PUS7: variants seen among roughly 807,000 people sequenced by gnomAD.
PUS7 encodes the protein pseudouridine synthase 7.
Under a neutral mutation model 79.8 loss-of-function variants are expected in PUS7, and 48 were observed. The ratio of observed to expected loss-of-function variants is 0.60; its 90% CI spans 0.48 to 0.76. The LOEUF is 0.76. Among genes scored for constraint, PUS7 ranks in the 30% least tolerant of loss-of-function variants. The probability of loss-of-function intolerance (pLI) is 0.00; values close to 1 mark genes in which losing one functional copy is unlikely to be tolerated. For missense variants in PUS7, 729 were observed against 797.6 expected (o/e 0.91, Z 1.04); for synonymous variants, 286 against 272.2 (o/e 1.05, Z -0.50).
At chr7:105,521,428 A>C (rs1586196596) in intron 1 of PUS7, among the ~76,000 whole-genome samples, 1 of 151,976 alleles carries the variant, frequency 6.6e-6, no homozygotes, top group African/African-American at 2.4e-5. Context: ...ACCTCCATCC[A>C]CTCGTTAAGC....
At chr7:105,480,072 C>T (rs1824258710) in intron 9 of PUS7, among the ~76,000 whole-genome samples, 1 of 152,184 alleles carries the variant, frequency 6.6e-6, no homozygotes, top group African/African-American at 2.4e-5. Flanking sequence ...CGTGTTAACA[C>T]AGATCAGAAA....
chr7:105,468,743 C>T (rs551945025), intron 11 of PUS7, among the ~76,000 whole-genome samples: 2 of 151,982 alleles, frequency 1.3e-5, no homozygotes, highest in African/African-American at 4.8e-5. Flanking sequence ...GTCTCAAACT[C>T]CTGACCTCAG....
intron 5 of PUS7, among the ~76,000 whole-genome samples, chr7:105,500,979 C>T (rs1825222922): frequency 6.6e-6 from 1 of 152,194 alleles, no homozygotes; most frequent in Non-Finnish European, 1.5e-5. Context: ...CTTTTCTTTA[C>T]AGTGTTCACT....
At chr7:105,484,392 A>G (rs1382387642) in intron 7 of PUS7, among the ~76,000 whole-genome samples, 1 of 152,098 alleles carries the variant, frequency 6.6e-6, no homozygotes, top group African/African-American at 2.4e-5. Flanking sequence ...AGATGGGCAG[A>G]TAGCTTGAGC....
intron 13 of PUS7, 38 bp from the exon 14 acceptor site, chr7:105,462,788 T>A (rs1234114444): frequency 6.3e-7 from 1 of 1,592,190 alleles, no homozygotes; most frequent in Non-Finnish European, 8.5e-7. Flanking sequence ...AAATGCAGCT[T>A]GTCAGTCAAG....
intron 15 of PUS7, among the ~76,000 whole-genome samples, chr7:105,458,917 T>C (rs865857935): frequency 1.5e-4 from 23 of 152,252 alleles, no homozygotes; most frequent in African/African-American, 5.1e-4. Context: ...GGTAAGTCTC[T>C]GTGGGGGATG....
At chr7:105,467,289 CTCT>C (rs1268774147) in intron 12 of PUS7, among the ~76,000 whole-genome samples, 13 of 83,984 alleles carry the variant, frequency 1.5e-4, no homozygotes, top group African/African-American at 3.7e-4. Flanking sequence ...TTTGAAGAAA[CTCT>C]TCTTTTTTTT....
chr7:105,469,441 C>T (rs1332292934), intron 11 of PUS7, among the ~76,000 whole-genome samples: 1 of 152,004 alleles, frequency 6.6e-6, no homozygotes, highest in Non-Finnish European at 1.5e-5. Context: ...TAGGTGCGCA[C>T]CACCATGTCC....
intron 1 of PUS7, among the ~76,000 whole-genome samples, chr7:105,518,931 GCTA>G (rs1825998944): frequency 1.3e-5 from 2 of 151,164 alleles, no homozygotes; most frequent in African/African-American, 4.9e-5. Flanking sequence ...ACAACACCAG[GCTA>G]ATTTTTTGTA....
intron 12 of PUS7, 57 bp downstream of exon 12, chr7:105,468,280 A>G: frequency 6.3e-7 from 1 of 1,582,248 alleles, no homozygotes; most frequent in Non-Finnish European, 8.6e-7. Flanking sequence ...TAAAGCCACT[A>G]GTGGCAACTA....
chr7:105,490,181 C>T (rs1191276842), intron 7 of PUS7, among the ~76,000 whole-genome samples: 1 of 151,432 alleles, frequency 6.6e-6, no homozygotes, highest in Non-Finnish European at 1.5e-5. Flanking sequence ...GCAAACATAG[C>T]GTACTTTATT....
At chr7:105,478,818 G>GA (rs760892932) in intron 9 of PUS7, among the ~76,000 whole-genome samples, 62 of 152,320 alleles carry the variant, frequency 4.1e-4, no homozygotes, top group South Asian at 1.2e-3. Context: ...TTGTGAAAAT[G>GA]AATGATTTGG....
chr7:105,496,836 A>C, intron 5 of PUS7: 2 of 444,166 alleles, frequency 4.5e-6, no homozygotes, highest in South Asian at 1.2e-4. Context: ...GAGCAGGAAT[A>C]TCATTTTCGG....
At chr7:105,488,816 T>C (rs1824659377) in intron 7 of PUS7, among the ~76,000 whole-genome samples, 1 of 152,208 alleles carries the variant, frequency 6.6e-6, no homozygotes, top group Non-Finnish European at 1.5e-5. Flanking sequence ...AGTACAGTTA[T>C]GGCAGGCCTT....
chr7:105,458,263 T>C (rs1412135816), intron 15 of PUS7, among the ~76,000 whole-genome samples: 1 of 152,102 alleles, frequency 6.6e-6, no homozygotes, highest in Non-Finnish European at 1.5e-5. Context: ...TTTAATTAAT[T>C]AATTAATTTT....
At chr7:105,510,893 T>C (rs371406727) in intron 1 of PUS7, among the ~76,000 whole-genome samples, 1 of 152,148 alleles carries the variant, frequency 6.6e-6, no homozygotes, top group East Asian at 1.9e-4. Context: ...GGTAACATAC[T>C]GATGAATGTA....
chr7:105,481,029 G>C, intron 9 of PUS7, 23 bp downstream of exon 9: 1 of 1,597,502 alleles, frequency 6.3e-7, no homozygotes, highest in Non-Finnish European at 8.5e-7. Context: ...AGCTATTTTT[G>C]ATAAAAGAAA....
intron 5 of PUS7, chr7:105,497,078 T>C (rs1261854298): frequency 4.4e-5 from 36 of 821,048 alleles, no homozygotes; most frequent in South Asian, 1.3e-4. Context: ...AAGTTTACAC[T>C]GAGGACTTCT....
intron 10 of PUS7, 53 bp from the exon 11 acceptor site, chr7:105,470,901 A>C: frequency 1.3e-6 from 2 of 1,488,036 alleles, no homozygotes; most frequent in Non-Finnish European, 1.8e-6. Context: ...ACAGACTTCC[A>C]TAACTTAAAG....
Sources: gnomAD v4.1 joint callset for allele counts (sites outside exome capture counted in the v4.1 genomes callset) on GRCh38, gnomAD v4.1.1 for gene constraint, MANE v1.5 for transcripts, NCBI Gene and HGNC (gene_info 2026-07-23, HGNC 2026-07-21) for gene names.